The following CNTN3 variants were observed in gnomAD, a reference collection of about 807,000 sequenced individuals.
CNTN3 encodes contactin-3.
In CNTN3, 60 loss-of-function variants were observed where a neutral mutation model predicts 119.1. The ratio of observed to expected loss-of-function variants is 0.50; its 90% CI spans 0.41 to 0.62. The LOEUF is 0.62. CNTN3 is among the 20% of genes least tolerant of loss of function. CNTN3 has a pLI of 0.00. For missense variants in CNTN3, 1,101 were observed against 1,242.4 expected (o/e 0.89, Z 1.71); for synonymous variants, 450 against 438.7 (o/e 1.03, Z -0.32).
intron 5 of CNTN3, among the ~76,000 whole-genome samples, chr3:74,376,625 A>G (rs1704481289): frequency 6.6e-6 from 1 of 152,160 alleles, no homozygotes; most frequent in African/African-American, 2.4e-5. Context: ...TTACAATGTA[A>G]TAATAACAGA....
chr3:74,427,749 C>T (rs1167971041), intron 4 of CNTN3, among the ~76,000 whole-genome samples: 3 of 151,866 alleles, frequency 2.0e-5, no homozygotes, highest in East Asian at 1.9e-4. Flanking sequence ...AATAAACATG[C>T]AAAAATTGAA....
chr3:74,494,717 C>A (rs942057318), intron 3 of CNTN3, among the ~76,000 whole-genome samples: 2 of 151,984 alleles, frequency 1.3e-5, no homozygotes, highest in African/African-American at 4.8e-5. Flanking sequence ...ACCTTTTTAC[C>A]TTTATACCAC....
In CNTN3 at chr3:74,302,828, G is replaced by A. The variant is rs1008842429; in HGVS notation, c.1669-21C>T. On this transcript the variant is annotated intron_variant, in intron 13 of 22. Coordinates refer to ENST00000263665, the MANE Select transcript of CNTN3 (RefSeq NM_020872.3). ...GAACTCTGTTGGGAAAACAGGTAAT[G>A]AATACACTGTTATTTTTTTAAAAAA... is the stretch of plus-strand genomic sequence containing the variant. 2.8e-6 allele frequency: 4 copies of A among 1,430,898 alleles called. No individual in the cohort carries two copies. In the African/African-American group the frequency reaches 5.6e-5, roughly 20 times the overall value. The allele number at this position is 1,430,898 out of a possible 1,614,324, so 88.6% of individuals were successfully genotyped here.
At chr3:74,577,197 A>G (rs1293418778) in intron 1 of CNTN3, among the ~76,000 whole-genome samples, 1 of 152,216 alleles carries the variant, frequency 6.6e-6, no homozygotes, top group East Asian at 1.9e-4. Context: ...GATGTTTTAG[A>G]TGAATGGACA....
intron 13 of CNTN3, among the ~76,000 whole-genome samples, chr3:74,332,944 G>GT (rs1703302340): frequency 1.3e-5 from 2 of 152,232 alleles, no homozygotes; most frequent in Admixed American, 1.3e-4. Context: ...TTGTTAACTT[G>GT]TAAGACAGCC....
At chr3:74,403,188 C>T (rs1385862448) in intron 5 of CNTN3, among the ~76,000 whole-genome samples, 1 of 151,984 alleles carries the variant, frequency 6.6e-6, no homozygotes, top group Non-Finnish European at 1.5e-5. Context: ...CATAAGGAAA[C>T]CAGGGTGGAA....
chr3:74,410,122 T>C (rs1196768938), intron 5 of CNTN3, among the ~76,000 whole-genome samples: 1 of 152,122 alleles, frequency 6.6e-6, no homozygotes, highest in East Asian at 1.9e-4. Flanking sequence ...ATGTTACAAT[T>C]CTCTTTATGT....
intron 1 of CNTN3, among the ~76,000 whole-genome samples, chr3:74,609,872 A>C (rs1705051719): frequency 1.3e-5 from 2 of 152,210 alleles, no homozygotes; most frequent in African/African-American, 4.8e-5. Flanking sequence ...ACAATCAGGT[A>C]AGGAAATGTA....
At chr3:74,482,016 G>A (rs1702772049) in intron 4 of CNTN3, among the ~76,000 whole-genome samples, 1 of 151,688 alleles carries the variant, frequency 6.6e-6, no homozygotes, top group Non-Finnish European at 1.5e-5. Flanking sequence ...TCAATGAGTA[G>A]GTAAAACATT....
rs562619755 is a variant in CNTN3, at chr3:74,594,745, C to T, written c.-81+19646G>A. ...AAGTCTTTGCTATTGTGAATAGTGC[C>T]GCAATAAACATACGTGTGCATGTGT... is the stretch of plus-strand genomic sequence containing the variant. On this transcript the variant is annotated intron_variant, in intron 1 of 22. Coordinates refer to ENST00000263665, the MANE Select transcript of CNTN3 (RefSeq NM_020872.3). Among the ~76,000 whole-genome samples the T allele has an allele frequency of 4.4e-4, 67 of 151,924 alleles. 1 individual carries two copies. In the East Asian group the frequency reaches 9.7e-3, roughly 22 times the overall value.
chr3:74,470,656 T>C (rs962042038), intron 4 of CNTN3, among the ~76,000 whole-genome samples: 1 of 152,012 alleles, frequency 6.6e-6, no homozygotes, highest in Non-Finnish European at 1.5e-5. Flanking sequence ...ATAACGAAAC[T>C]AGGTGGAATA....
intron 4 of CNTN3, among the ~76,000 whole-genome samples, chr3:74,432,643 G>A (rs1701803192): frequency 6.6e-6 from 1 of 152,176 alleles, no homozygotes; most frequent in African/African-American, 2.4e-5. Flanking sequence ...CCTGCCTTAT[G>A]GCACATGCAG....
chr3:74,350,050 T>C (rs1703778866), intron 11 of CNTN3, among the ~76,000 whole-genome samples: 1 of 152,328 alleles, frequency 6.6e-6, no homozygotes, highest in Non-Finnish European at 1.5e-5. Flanking sequence ...ATTTGAAATA[T>C]GGATCTAAGA....
chr3:74,453,964 G>A (rs1414205368), intron 4 of CNTN3, among the ~76,000 whole-genome samples: 4 of 151,514 alleles, frequency 2.6e-5, no homozygotes, highest in African/African-American at 4.9e-5. Flanking sequence ...GTGTGGTGTG[G>A]TGCTGAAAAA....
chr3:74,522,895 T>C (rs981634169), intron 1 of CNTN3, among the ~76,000 whole-genome samples: 1 of 151,870 alleles, frequency 6.6e-6, no homozygotes, highest in African/African-American at 2.4e-5. Context: ...ACACTGTGCA[T>C]AGAAAACAGG....
chr3:74,541,778 T>C, intron 1 of CNTN3, among the ~76,000 whole-genome samples: 1 of 152,168 alleles, frequency 6.6e-6, no homozygotes, highest in Non-Finnish European at 1.5e-5. Flanking sequence ...TATGAAAAAA[T>C]GTTTCACTAT....
intron 18 of CNTN3, 113 bp downstream of exon 18, chr3:74,297,844 T>G (rs1165303567): frequency 1.3e-6 from 1 of 752,554 alleles, no homozygotes; most frequent in Non-Finnish European, 2.2e-6. Context: ...ACTACCTGGA[T>G]GATTGTTCTT....
At chr3:74,331,298 C>T (rs1703258995) in intron 13 of CNTN3, among the ~76,000 whole-genome samples, 1 of 152,130 alleles carries the variant, frequency 6.6e-6, no homozygotes. Context: ...TTAAACTGCC[C>T]ACAGCATTCA....
chr3:74,347,072 G>A (rs1409188964), intron 11 of CNTN3, among the ~76,000 whole-genome samples: 2 of 152,158 alleles, frequency 1.3e-5, no homozygotes, highest in Non-Finnish European at 2.9e-5. Context: ...ATACAAGTAT[G>A]AGTAAGAATT....
Sources: gnomAD v4.1 joint callset for allele counts (sites outside exome capture counted in the v4.1 genomes callset) on GRCh38, gnomAD v4.1.1 for gene constraint, MANE v1.5 for transcripts, NCBI Gene and HGNC (gene_info 2026-07-23, HGNC 2026-07-21) for gene names.